TRMT9B: variants seen among roughly 807,000 people sequenced by gnomAD.
TRMT9B encodes tRNA methyltransferase 9B (putative).
Under a neutral mutation model 11.5 loss-of-function variants are expected in TRMT9B, and 16 were observed. The observed-to-expected ratio is 1.39, with a 90% confidence interval of 0.94 to 2.11. The LOEUF (loss-of-function observed/expected upper bound fraction) is 2.11, where lower values mean the gene tolerates loss of function less well. Among genes scored for constraint, TRMT9B ranks in the 30% most tolerant of loss-of-function variants. The pLI, the probability that TRMT9B is intolerant of heterozygous loss-of-function variation, is 0.00. For missense variants in TRMT9B, 941 were observed against 553.8 expected (o/e 1.70, Z -7.02); for synonymous variants, 274 against 192.4 (o/e 1.42, Z -3.51).
At chr8:13,003,514 C>T (rs1438822251) in intron 2 of TRMT9B, among the ~76,000 whole-genome samples, 2 of 151,996 alleles carry the variant, frequency 1.3e-5, no homozygotes, top group South Asian at 2.1e-4. Flanking sequence ...GTTCAGGCCC[C>T]TGGATGAGAG....
At chr8:12,996,463 G>A (rs1252909523) in intron 2 of TRMT9B, among the ~76,000 whole-genome samples, 2 of 152,138 alleles carry the variant, frequency 1.3e-5, no homozygotes, top group Non-Finnish European at 2.9e-5. Context: ...AACTCTCTCA[G>A]CACTTTCTGT....
At chr8:13,015,646 G>A (rs569754388) in intron 4 of TRMT9B, among the ~76,000 whole-genome samples, 6 of 151,968 alleles carry the variant, frequency 3.9e-5, no homozygotes, top group African/African-American at 7.2e-5. Flanking sequence ...GAACTACCAC[G>A]CCCAGGCTAA....
At chr8:12,987,817 G>T (rs1806594746) in intron 1 of TRMT9B, among the ~76,000 whole-genome samples, 1 of 152,138 alleles carries the variant, frequency 6.6e-6, no homozygotes, top group African/African-American at 2.4e-5. Flanking sequence ...CTGGCAAAAA[G>T]GAACACTGTC....
chr8:12,973,949 C>T (rs7838557), intron 1 of TRMT9B, among the ~76,000 whole-genome samples: 2,769 of 152,188 alleles, frequency 0.018, 27 homozygotes, highest in Non-Finnish European at 0.022. Context: ...CGCTTAAGGC[C>T]AGGAGTTTCA....
intron 1 of TRMT9B, among the ~76,000 whole-genome samples, chr8:12,982,789 C>A (rs1395010906): frequency 6.6e-6 from 1 of 152,130 alleles, no homozygotes; most frequent in African/African-American, 2.4e-5. Context: ...CCACATGATG[C>A]CACAAGTGGA....
At chr8:12,957,373 G>C (rs567552031) in intron 1 of TRMT9B, among the ~76,000 whole-genome samples, 2 of 151,978 alleles carry the variant, frequency 1.3e-5, no homozygotes, top group African/African-American at 4.8e-5. Flanking sequence ...ACTGCTCTTG[G>C]TGCTCTAATC....
At chr8:13,019,354 T>A (rs1813383010) in intron 4 of TRMT9B, among the ~76,000 whole-genome samples, 1 of 152,192 alleles carries the variant, frequency 6.6e-6, no homozygotes, top group South Asian at 2.1e-4. Flanking sequence ...TGCAGTGGCA[T>A]GATCATGGCC....
chr8:13,021,969 G>C lies in TRMT9B; in HGVS notation c.1290G>C (p.Glu430Asp). ...LCSLLKENVS[E>D]LRILSSGNDH... Reference sequence around the variant, plus strand: ...GTCTGCTCAAGGAGAATGTGTCAGAGCTCCGTATCCTGAGTTCTGGGAATG... The same window carrying C: ...GTCTGCTCAAGGAGAATGTGTCAGACCTCCGTATCCTGAGTTCTGGGAATG... Residue 430 changes from glutamate to aspartate, a missense_variant, in exon 5 of 5, where the codon GAG (glutamate) becomes GAC (aspartate). Physicochemically the swap from Glu to Asp is conservative, Grantham distance 45. Transcript: ENST00000524591. 1.9e-6 allele frequency: 3 copies of C among 1,613,548 alleles called. No homozygotes were observed. The highest frequency in any genetic ancestry group is 2.5e-6 in the Non-Finnish European group (3 of 1,179,716).
At chr8:13,000,515 C>A (rs1409618097) in intron 2 of TRMT9B, among the ~76,000 whole-genome samples, 1 of 152,152 alleles carries the variant, frequency 6.6e-6, no homozygotes, top group Non-Finnish European at 1.5e-5. Context: ...AAAGATGATT[C>A]AATGTCTGGG....
At chr8:12,955,865 C>G (rs1020910325) in intron 1 of TRMT9B, among the ~76,000 whole-genome samples, 18 of 152,104 alleles carry the variant, frequency 1.2e-4, no homozygotes, top group Non-Finnish European at 4.4e-5. Flanking sequence ...TGATGGGCCC[C>G]CAGGGTTGCT....
chr8:12,973,211 C>T (rs998338412), intron 1 of TRMT9B, among the ~76,000 whole-genome samples: 1 of 152,106 alleles, frequency 6.6e-6, no homozygotes, highest in Non-Finnish European at 1.5e-5. Flanking sequence ...GTTTTGTGAC[C>T]CTTAGTCCAA....
intron 2 of TRMT9B, among the ~76,000 whole-genome samples, chr8:12,993,647 G>C (rs1807786739): frequency 6.6e-6 from 1 of 152,188 alleles, no homozygotes; most frequent in Non-Finnish European, 1.5e-5. Flanking sequence ...TGATCTTCTA[G>C]GCTGGCATTC....
chr8:12,980,876 A>C (rs1051885039), intron 1 of TRMT9B, among the ~76,000 whole-genome samples: 5 of 152,218 alleles, frequency 3.3e-5, no homozygotes, highest in Non-Finnish European at 5.9e-5. Context: ...CAGTGGCACT[A>C]GATAAGGAGC....
At chr8:12,984,029 T>C (rs910719162) in intron 1 of TRMT9B, among the ~76,000 whole-genome samples, 1 of 152,346 alleles carries the variant, frequency 6.6e-6, no homozygotes, top group Middle Eastern at 3.4e-3. Context: ...TCAGGAATGA[T>C]GGTGAGGTCA....
At position 13,006,346 on chromosome 8, in the gene TRMT9B, CGCTG is replaced by C; in HGVS notation, c.145_148del (p.Ala49ThrfsTer2). On this transcript the variant is annotated frameshift_variant, in exon 3 of 5. Transcript: ENST00000524591. LOFTEE classifies it high-confidence loss of function. ...AAGAGCAGAAGCCAGGCAGCCTCATCGCTGACATAGGTAACCAGGCAGCCTCATC... is the reference window on the plus strand; with the variant it reads ...AAGAGCAGAAGCCAGGCAGCCTCATCACATAGGTAACCAGGCAGCCTCATC... 1.2e-6 allele frequency: 2 copies of C among 1,600,080 alleles called. No individual in the cohort carries two copies. The highest frequency in any genetic ancestry group is 1.4e-5 in the African/African-American group (1 of 72,244).
At chr8:13,004,357 A>G (rs73204373) in intron 2 of TRMT9B, among the ~76,000 whole-genome samples, 11,776 of 151,586 alleles carry the variant, frequency 0.078, 588 homozygotes, top group Non-Finnish European at 0.12. Context: ...GAGTGCTTGC[A>G]CCACCCCGCT....
Position 13,021,047 on chromosome 8 carries a change from C to A in TRMT9B, c.368C>A (p.Ala123Glu). ...HFSTKQRRIR[A>E]IKEMARVLVP... ...TCTACAAAACAAAGAAGAATCAGAG[C>A]AATAAAAGAAATGGCCAGGGTCTTA... The change falls in exon 5 of 5, where the codon GCA becomes GAA. Residue 123 changes from alanine (A) to glutamate (E), a missense_variant. Transcript: ENST00000524591. 6.3e-7 allele frequency: 1 copy of A among 1,577,298 alleles called. No individual in the cohort carries two copies. Among genetic ancestry groups the A allele is most frequent in the South Asian group, 1.2e-5 (1 of 85,410 alleles).
At chr8:12,999,666 G>C (rs1809039815) in intron 2 of TRMT9B, among the ~76,000 whole-genome samples, 1 of 152,130 alleles carries the variant, frequency 6.6e-6, no homozygotes, top group South Asian at 2.1e-4. Flanking sequence ...AGATGTGTAT[G>C]AAATCTTGTT....
In TRMT9B at chr8:13,026,881, G is replaced by A. The variant is rs889513578; in HGVS notation, c.*4837G>A. Reference sequence around the variant, plus strand: ...ATTATCCCCTTTCCAAATGAGCTTTGGAAAAGTTTAAGCAAAGATTACACA... The same window carrying A: ...ATTATCCCCTTTCCAAATGAGCTTTAGAAAAGTTTAAGCAAAGATTACACA... On this transcript the variant is annotated 3_prime_UTR_variant, in exon 5 of 5. Coordinates refer to ENST00000524591, the MANE Select transcript of TRMT9B (RefSeq NM_020844.3). The A allele has an allele frequency of 6.0e-6, 1 of 166,956 alleles. No individual in the cohort carries two copies. Among genetic ancestry groups the A allele is most frequent in the Non-Finnish European group, 1.5e-5 (1 of 68,096 alleles). 10.3% of individuals were successfully genotyped at this position (166,956 alleles called of 1,614,324 possible). A position where few individuals can be genotyped will look rare whatever the true frequency, so the allele number is the denominator to read the frequency against.
Sources: allele counts gnomAD v4.1 joint callset (sites outside exome capture counted in the v4.1 genomes callset), GRCh38; gene constraint gnomAD v4.1.1; transcripts MANE v1.5; gene names NCBI Gene and HGNC (gene_info 2026-07-23, HGNC 2026-07-21).